NETO1: variants seen among roughly 807,000 people sequenced by gnomAD.
NETO1 encodes neuropilin and tolloid like 1.
Under a neutral mutation model 61.3 loss-of-function variants are expected in NETO1, and 26 were observed. The observed-to-expected ratio is 0.42, with a 90% CI of 0.31 to 0.59. The LOEUF (loss-of-function observed/expected upper bound fraction) is 0.59, where lower values mean the gene tolerates loss of function less well. Ranked by LOEUF, NETO1 falls within the 20% of genes least tolerant of loss-of-function variation. NETO1 has a pLI of 0.12. For missense variants in NETO1, 531 were observed against 662.8 expected (o/e 0.80, Z 2.18); for synonymous variants, 225 against 225.8 (o/e 1.00, Z 0.03).
intron 3 of NETO1, among the ~76,000 whole-genome samples, chr18:72,862,837 G>T (rs1265049483): frequency 2.0e-5 from 3 of 151,924 alleles, no homozygotes; most frequent in Non-Finnish European, 4.4e-5. Context: ...GGCCAGGATG[G>T]TCTCGATCTC....
intron 4 of NETO1, among the ~76,000 whole-genome samples, chr18:72,798,898 G>A (rs563329238): frequency 6.6e-6 from 1 of 152,290 alleles, no homozygotes; most frequent in Admixed American, 6.5e-5. Context: ...GTGGTGACCA[G>A]TTATCCAAGG....
intron 6 of NETO1, among the ~76,000 whole-genome samples, chr18:72,792,482 T>C (rs1431764876): frequency 6.6e-6 from 1 of 151,652 alleles, no homozygotes; most frequent in African/African-American, 2.4e-5. Flanking sequence ...CCCCTCAGTC[T>C]AAATATCCAG....
chr18:72,766,135 G>A (rs2071146397), intron 7 of NETO1, among the ~76,000 whole-genome samples: 1 of 151,902 alleles, frequency 6.6e-6, no homozygotes, highest in South Asian at 2.1e-4. Flanking sequence ...GAACCCAGGA[G>A]GTGGAGGTTG....
At chr18:72,763,137 T>TTC (rs2071035698) in intron 7 of NETO1, among the ~76,000 whole-genome samples, 1 of 152,072 alleles carries the variant, frequency 6.6e-6, no homozygotes, top group Non-Finnish European at 1.5e-5. Flanking sequence ...ATTTCGTTTT[T>TTC]TTTTTTGAAA....
intron 4 of NETO1, chr18:72,834,816 A>G (rs1464463374): frequency 6.1e-6 from 6 of 984,794 alleles, no homozygotes; most frequent in African/African-American, 1.7e-5. Context: ...CAGCTGAAGA[A>G]TTCACAATAT....
chr18:72,776,357 C>A lies in NETO1; in HGVS notation c.868+7321G>T, dbSNP rs1364536600. Among the ~76,000 whole-genome samples the A allele has an allele frequency of 8.5e-5, 13 of 152,176 alleles. 1 individual carries two copies. The highest frequency in any genetic ancestry group is 8.5e-4 in the Admixed American group (13 of 15,274). The stretch of plus-strand genomic sequence containing the variant: ...TTTGTCCCCATCACCTAAATACATC[C>A]CACAAGGTTACCCCTCTCAATACTA... On this transcript the variant is annotated intron_variant, in intron 7 of 10. Coordinates refer to ENST00000327305, the MANE Select transcript of NETO1 (RefSeq NM_138966.5).
At chr18:72,825,653 T>C (rs552197799) in intron 4 of NETO1, among the ~76,000 whole-genome samples, 1 of 152,292 alleles carries the variant, frequency 6.6e-6, no homozygotes, top group East Asian at 1.9e-4. Flanking sequence ...TCCTTATTTA[T>C]TGAGAATTAT....
intron 4 of NETO1, among the ~76,000 whole-genome samples, chr18:72,818,458 T>G: frequency 6.6e-6 from 1 of 152,246 alleles, no homozygotes; most frequent in East Asian, 1.9e-4. Context: ...GATTCTAACC[T>G]TGGGTCACAC....
intron 4 of NETO1, among the ~76,000 whole-genome samples, chr18:72,798,203 A>T (rs1599020770): frequency 6.6e-6 from 1 of 152,110 alleles, no homozygotes; most frequent in South Asian, 2.1e-4. Context: ...GGCTCACATC[A>T]CCACCTGAGC....
At chr18:72,840,302 G>T (rs900227451) in intron 4 of NETO1, among the ~76,000 whole-genome samples, 5 of 152,234 alleles carry the variant, frequency 3.3e-5, no homozygotes, top group Admixed American at 1.3e-4. Flanking sequence ...GTGAGGAAGT[G>T]CAGAAATGGA....
At chr18:72,764,614 G>T (rs1031290843) in intron 7 of NETO1, among the ~76,000 whole-genome samples, 1 of 152,044 alleles carries the variant, frequency 6.6e-6, no homozygotes, top group African/African-American at 2.4e-5. Context: ...CCCCAGCTCT[G>T]ACTACTGTGT....
Position 72,865,669 on chromosome 18 carries a change from G to T in NETO1, c.29-428C>A. ...AGGCAAACAATGAGAACAGCTCCAT[G>T]ACTGTTCCTGACATACTGCAGTGTG... On this transcript the variant is annotated intron_variant, in intron 1 of 10. Transcript: ENST00000327305. The T allele has an allele frequency of 2.6e-6, 4 of 1,566,104 alleles. No individual in the cohort carries two copies. The South Asian group carries it at 3.5e-5, about 14-fold the overall frequency.
At chr18:72,760,778 G>A (rs2070944882) in intron 7 of NETO1, among the ~76,000 whole-genome samples, 2 of 152,158 alleles carry the variant, frequency 1.3e-5, no homozygotes, top group Admixed American at 6.5e-5. Context: ...ACCGTTTTAG[G>A]AGAGTACTGT....
intron 7 of NETO1, among the ~76,000 whole-genome samples, chr18:72,764,590 G>A (rs145499821): frequency 8.4e-4 from 127 of 152,072 alleles, no homozygotes; most frequent in East Asian, 8.3e-3. Flanking sequence ...CCCCACTAAC[G>A]AGGGGGCTTA....
At chr18:72,845,966 A>G (rs528936271) in intron 4 of NETO1, among the ~76,000 whole-genome samples, 67 of 152,294 alleles carry the variant, frequency 4.4e-4, no homozygotes, top group African/African-American at 1.6e-3. Context: ...CATAAATGTC[A>G]GTGCCAGCAA....
chr18:72,763,308 G>A (rs2000724), intron 7 of NETO1, among the ~76,000 whole-genome samples: 45,218 of 151,836 alleles, frequency 0.3, 7,919 homozygotes, highest in South Asian at 0.41. Context: ...ATTACATCAC[G>A]AAAAATTGGA....
At chr18:72,780,935 A>C (rs1265740376) in intron 7 of NETO1, among the ~76,000 whole-genome samples, 2 of 152,114 alleles carry the variant, frequency 1.3e-5, no homozygotes, top group Non-Finnish European at 2.9e-5. Flanking sequence ...GCTTCCTATA[A>C]AACTAAAATC....
intron 7 of NETO1, among the ~76,000 whole-genome samples, chr18:72,769,981 A>G (rs2071301540): frequency 6.6e-6 from 1 of 152,088 alleles, no homozygotes. Flanking sequence ...GAATTTTTAT[A>G]TATACTGCTA....
At chr18:72,809,933 T>A (rs2072808665) in intron 4 of NETO1, among the ~76,000 whole-genome samples, 1 of 152,238 alleles carries the variant, frequency 6.6e-6, no homozygotes, top group Admixed American at 6.5e-5. Flanking sequence ...GGTGCGCAAG[T>A]CCCTTTTACG....
Sources: allele counts gnomAD v4.1 joint callset (sites outside exome capture counted in the v4.1 genomes callset), GRCh38; gene constraint gnomAD v4.1.1; transcripts MANE v1.5; gene names NCBI Gene and HGNC (gene_info 2026-07-23, HGNC 2026-07-21).